Variants in NXPH1 observed in about 807,000 individuals in gnomAD.
NXPH1 encodes neurexophilin 1, also known as neurexophilin-1.
NXPH1 carries 5 observed loss-of-function variants against 23.7 expected under a neutral mutation model. That is an observed-to-expected ratio of 0.21 (90% CI 0.11 to 0.44). The LOEUF (loss-of-function observed/expected upper bound fraction) is 0.44. Among genes scored for constraint, NXPH1 ranks in the 20% least tolerant of loss-of-function variants. The pLI, the probability that NXPH1 is intolerant of heterozygous loss-of-function variation, is 0.99. For synonymous variants in NXPH1, 144 were observed against 122.2 expected, an observed-to-expected ratio of 1.18 and a Z score of -1.18; for missense variants, 324 against 321.6, an observed-to-expected ratio of 1.01 and a Z score of -0.06.
At chr7:8,598,757 A>G (rs1819287317) in intron 2 of NXPH1, among the ~76,000 whole-genome samples, 2 of 152,176 alleles carry the variant, frequency 1.3e-5, no homozygotes, top group Non-Finnish European at 2.9e-5. Flanking sequence ...ATATTTCTGT[A>G]AAGAAACAAA....
At chr7:8,481,888 C>A (rs1817078542) in intron 2 of NXPH1, among the ~76,000 whole-genome samples, 1 of 152,170 alleles carries the variant, frequency 6.6e-6, no homozygotes, top group Non-Finnish European at 1.5e-5. Context: ...TCTGAGCCCT[C>A]TGGAGTTCTT....
At chr7:8,450,814 A>G (rs1231136676) in intron 2 of NXPH1, among the ~76,000 whole-genome samples, 1 of 152,270 alleles carries the variant, frequency 6.6e-6, no homozygotes, top group African/African-American at 2.4e-5. Context: ...TCAAAATGCC[A>G]TTTGACCCAT....
intron 2 of NXPH1, among the ~76,000 whole-genome samples, chr7:8,512,054 G>C (rs1321252682): frequency 2.6e-5 from 4 of 152,074 alleles, no homozygotes; most frequent in Non-Finnish European, 5.9e-5. Context: ...TCCTGAGCTT[G>C]ACAGCTGCCA....
At chr7:8,739,390 G>A (rs946280011) in intron 2 of NXPH1, among the ~76,000 whole-genome samples, 1 of 151,964 alleles carries the variant, frequency 6.6e-6, no homozygotes, top group Non-Finnish European at 1.5e-5. Flanking sequence ...GCTTCCTTTG[G>A]CTAGAGGAGG....
At chr7:8,456,609 G>A (rs1816598845) in intron 2 of NXPH1, among the ~76,000 whole-genome samples, 2 of 152,100 alleles carry the variant, frequency 1.3e-5, no homozygotes, top group Admixed American at 6.5e-5. Flanking sequence ...AGAGAAATTT[G>A]ACAGGCTTGA....
chr7:8,449,809 G>C (rs1816473244), intron 2 of NXPH1, among the ~76,000 whole-genome samples: 1 of 152,160 alleles, frequency 6.6e-6, no homozygotes, highest in South Asian at 2.1e-4. Context: ...TGGGGAACTG[G>C]GGTCTGCCTA....
intron 2 of NXPH1, among the ~76,000 whole-genome samples, chr7:8,635,922 G>T (rs1820212563): frequency 6.6e-6 from 1 of 152,104 alleles, no homozygotes; most frequent in Admixed American, 6.6e-5. Context: ...TAGAAAAAAA[G>T]TGCTGTTCTT....
chr7:8,740,292 C>T (rs1780339038), intron 2 of NXPH1, among the ~76,000 whole-genome samples: 1 of 152,054 alleles, frequency 6.6e-6, no homozygotes, highest in Non-Finnish European at 1.5e-5. Context: ...AGTGCATATC[C>T]TCTTATCTGA....
At chr7:8,453,168 G>C (rs1407879693) in intron 2 of NXPH1, among the ~76,000 whole-genome samples, 6 of 152,090 alleles carry the variant, frequency 3.9e-5, no homozygotes, top group Admixed American at 3.3e-4. Flanking sequence ...AAAGGGGAGA[G>C]AGGGAGAGGA....
intron 2 of NXPH1, among the ~76,000 whole-genome samples, chr7:8,623,486 A>AAAG (rs1819919850): frequency 6.6e-6 from 1 of 152,072 alleles, no homozygotes; most frequent in African/African-American, 2.4e-5. Context: ...GAAAAATTAA[A>AAAG]AAGATAAAAG....
chr7:8,493,520 G>A (rs1441071594), intron 2 of NXPH1, among the ~76,000 whole-genome samples: 3 of 152,156 alleles, frequency 2.0e-5, no homozygotes, highest in Admixed American at 1.3e-4. Context: ...TGAGAGAACA[G>A]CTCAGGCTAA....
At chr7:8,533,935 T>G (rs1174562001) in intron 2 of NXPH1, among the ~76,000 whole-genome samples, 1 of 148,002 alleles carries the variant, frequency 6.8e-6, no homozygotes, top group Non-Finnish European at 1.5e-5. Flanking sequence ...ACGTTGAAAA[T>G]TAACCTAGGG....
At chr7:8,694,429 A>G (rs1821271592) in intron 2 of NXPH1, among the ~76,000 whole-genome samples, 1 of 152,178 alleles carries the variant, frequency 6.6e-6, no homozygotes. Context: ...TTTTTTGGGA[A>G]TGGTGATTTC....
intron 2 of NXPH1, among the ~76,000 whole-genome samples, chr7:8,678,307 G>A (rs943601811): frequency 6.6e-6 from 1 of 152,082 alleles, no homozygotes; most frequent in Non-Finnish European, 1.5e-5. Flanking sequence ...TGGTCTAATT[G>A]CCATTATATA....
At chr7:8,654,029 T>C (rs901316350) in intron 2 of NXPH1, among the ~76,000 whole-genome samples, 2 of 152,172 alleles carry the variant, frequency 1.3e-5, no homozygotes, top group African/African-American at 4.8e-5. Flanking sequence ...AGTTTTGCCT[T>C]TTTCATTTCA....
At chr7:8,649,918 T>G (rs974082029) in intron 2 of NXPH1, among the ~76,000 whole-genome samples, 9 of 152,160 alleles carry the variant, frequency 5.9e-5, no homozygotes, top group African/African-American at 2.2e-4. Flanking sequence ...TCCTGTGATA[T>G]CCTCTATATA....
chr7:8,647,340 A>G (rs75251973), intron 2 of NXPH1, among the ~76,000 whole-genome samples: 1,899 of 152,054 alleles, frequency 0.012, 42 homozygotes, highest in African/African-American at 0.043. Flanking sequence ...CCTCCAGACC[A>G]CTCATGCCCA....
intron 2 of NXPH1, among the ~76,000 whole-genome samples, chr7:8,452,939 G>A (rs1450697303): frequency 6.6e-6 from 1 of 152,098 alleles, no homozygotes; most frequent in Admixed American, 6.6e-5. Flanking sequence ...CCCAGAAGAT[G>A]AGTGTACTTC....
intron 2 of NXPH1, among the ~76,000 whole-genome samples, chr7:8,446,538 AGG>A (rs1816406838): frequency 2.6e-5 from 4 of 152,204 alleles, no homozygotes; most frequent in Non-Finnish European, 5.9e-5. Flanking sequence ...AAAGGAATAG[AGG>A]TTTTGATTTT....
Sources: allele counts gnomAD v4.1 joint callset (sites outside exome capture counted in the v4.1 genomes callset), GRCh38; gene constraint gnomAD v4.1.1; transcripts MANE v1.5; gene names NCBI Gene and HGNC (gene_info 2026-07-23, HGNC 2026-07-21).